The following MAMDC2 variants were observed in gnomAD, a reference collection of about 807,000 sequenced individuals.
The protein encoded by MAMDC2 is MAM domain-containing protein 2.
Under a neutral mutation model 89.8 loss-of-function variants are expected in MAMDC2, and 57 were observed. The observed-to-expected ratio is 0.63, with a 90% CI of 0.51 to 0.79. The LOEUF (loss-of-function observed/expected upper bound fraction) is 0.79, where lower values mean the gene tolerates loss of function less well. MAMDC2 is among the 30% of genes least tolerant of loss of function. MAMDC2 has a pLI of 0.00. For missense variants in MAMDC2, 800 were observed against 820.6 expected, an observed-to-expected ratio of 0.97 and a Z score of 0.31; for synonymous variants, 313 against 293.4, an observed-to-expected ratio of 1.07 and a Z score of -0.68.
At chr9:70,225,858 A>C (rs1290707460) in intron 13 of MAMDC2, 24 bp downstream of exon 13, 1 of 1,559,796 alleles carries the variant, frequency 6.4e-7, no homozygotes, top group South Asian at 1.1e-5. Context: ...CCAATCATAT[A>C]AGCTTGACTG....
At chr9:70,067,955 T>A (rs1341862211) in intron 2 of MAMDC2, among the ~76,000 whole-genome samples, 1 of 152,194 alleles carries the variant, frequency 6.6e-6, no homozygotes, top group African/African-American at 2.4e-5. Context: ...CAAGGACTTG[T>A]CTACATTTTA....
chr9:70,137,211 T>C (rs1388555832), intron 7 of MAMDC2, among the ~76,000 whole-genome samples: 8 of 152,182 alleles, frequency 5.3e-5, no homozygotes, highest in Admixed American at 5.2e-4. Flanking sequence ...TCAGACAAAA[T>C]CTGCAGGAAA....
chr9:70,081,295 G>T (rs1030775423), intron 2 of MAMDC2, among the ~76,000 whole-genome samples: 2 of 152,116 alleles, frequency 1.3e-5, no homozygotes, highest in African/African-American at 4.8e-5. Flanking sequence ...GGGCTCAAGA[G>T]CAATGGAAAG....
At chr9:70,107,192 G>T (rs1380033127) in intron 2 of MAMDC2, among the ~76,000 whole-genome samples, 1 of 152,102 alleles carries the variant, frequency 6.6e-6, no homozygotes, top group Non-Finnish European at 1.5e-5. Context: ...CATTGACATA[G>T]GAAACCAGAT....
At chr9:70,218,624 A>G in intron 12 of MAMDC2, 28 bp downstream of exon 12, 1 of 1,554,408 alleles carries the variant, frequency 6.4e-7, no homozygotes, top group Non-Finnish European at 8.7e-7. Context: ...AGAACTAAGC[A>G]ATGGAAAACG....
chr9:70,218,857 C>T (rs1000601472), intron 12 of MAMDC2, among the ~76,000 whole-genome samples: 3 of 152,150 alleles, frequency 2.0e-5, no homozygotes, highest in East Asian at 1.9e-4. Flanking sequence ...TGTCTTGATA[C>T]ATTATGGGTG....
intron 11 of MAMDC2, among the ~76,000 whole-genome samples, chr9:70,214,470 G>A (rs542770644): frequency 6.6e-6 from 1 of 152,230 alleles, no homozygotes; most frequent in Non-Finnish European, 1.5e-5. Context: ...AGACAGGTAA[G>A]AGAATAGGTG....
At chr9:70,072,593 G>A (rs560746437) in intron 2 of MAMDC2, among the ~76,000 whole-genome samples, 42 of 152,116 alleles carry the variant, frequency 2.8e-4, no homozygotes, top group African/African-American at 1.0e-3. Flanking sequence ...TATCCCCACC[G>A]ATAGATGAGG....
At chr9:70,059,070 G>A (rs1223934138) in intron 2 of MAMDC2, among the ~76,000 whole-genome samples, 2 of 152,146 alleles carry the variant, frequency 1.3e-5, no homozygotes, top group East Asian at 1.9e-4. Context: ...AATGAGTGAA[G>A]TATCCTTATA....
chr9:70,047,331 G>T (rs779174364), intron 2 of MAMDC2, among the ~76,000 whole-genome samples: 3 of 151,790 alleles, frequency 2.0e-5, no homozygotes, highest in Non-Finnish European at 4.4e-5. Flanking sequence ...TTAGGTATTT[G>T]TCCTAATACT....
intron 2 of MAMDC2, among the ~76,000 whole-genome samples, chr9:70,066,275 T>C (rs1422510506): frequency 1.3e-5 from 2 of 151,170 alleles, no homozygotes; most frequent in Non-Finnish European, 2.9e-5. Context: ...GGAAAGGGGG[T>C]GCTTGGTGAA....
Position 70,188,793 on chromosome 9 carries a change from G to C in MAMDC2, c.1651+18162G>C, listed in dbSNP as rs1248387087. ...TTTTTTTTTTTTTTTTTAGAAAGAAGTGGGGTCTCACATGCTGTCCAGGCT... is the reference window on the plus strand; with the variant it reads ...TTTTTTTTTTTTTTTTTAGAAAGAACTGGGGTCTCACATGCTGTCCAGGCT... On this transcript the variant is annotated intron_variant, in intron 11 of 13. Transcript: ENST00000377182. The C allele has an allele frequency of 8.7e-5, 4 of 45,896 alleles. No individual in the cohort carries two copies. In the East Asian group the frequency reaches 2.7e-3, roughly 31 times the overall value. The allele number at this position is 45,896 out of a possible 1,614,324, so 2.8% of individuals were successfully genotyped here. A position where few individuals can be genotyped will look rare whatever the true frequency, so the allele number is the denominator to read the frequency against.
chr9:70,139,707 C>G (rs1309239944), intron 7 of MAMDC2, among the ~76,000 whole-genome samples: 1 of 152,190 alleles, frequency 6.6e-6, no homozygotes, highest in Admixed American at 6.5e-5. Flanking sequence ...CTGACTTCCA[C>G]AATGGTTGAA....
intron 2 of MAMDC2, among the ~76,000 whole-genome samples, chr9:70,070,747 T>C (rs1179011764): frequency 6.6e-6 from 1 of 152,182 alleles, no homozygotes; most frequent in East Asian, 1.9e-4. Context: ...TTGTCATAGA[T>C]CCTTGCCTAC....
intron 11 of MAMDC2, among the ~76,000 whole-genome samples, chr9:70,204,897 C>T (rs573893964): frequency 6.6e-6 from 1 of 152,328 alleles, no homozygotes; most frequent in Non-Finnish European, 1.5e-5. Flanking sequence ...TGAGGCAATG[C>T]CCCGCCCTGC....
intron 5 of MAMDC2, among the ~76,000 whole-genome samples, chr9:70,113,449 T>C (rs1278738050): frequency 6.6e-6 from 1 of 152,212 alleles, no homozygotes; most frequent in Non-Finnish European, 1.5e-5. Context: ...ATTTGTTGTT[T>C]AATATTTCTC....
At chr9:70,210,913 T>C (rs1171190879) in intron 11 of MAMDC2, among the ~76,000 whole-genome samples, 1 of 152,230 alleles carries the variant, frequency 6.6e-6, no homozygotes, top group Non-Finnish European at 1.5e-5. Context: ...GGATATGAAA[T>C]TCTGGGTTGA....
intron 7 of MAMDC2, among the ~76,000 whole-genome samples, chr9:70,136,722 C>T (rs1488106899): frequency 6.6e-6 from 1 of 152,196 alleles, no homozygotes; most frequent in East Asian, 1.9e-4. Context: ...GGCAGTGCCA[C>T]CCCATTTCCT....
intron 1 of MAMDC2, 134 bp downstream of exon 1, chr9:70,044,365 A>C: frequency 9.4e-7 from 1 of 1,060,326 alleles, no homozygotes; most frequent in Non-Finnish European, 1.3e-6. Context: ...GCAGCCGCTA[A>C]CTCCCTCCCC....
Sources: gnomAD v4.1 joint callset for allele counts (sites outside exome capture counted in the v4.1 genomes callset) on GRCh38, gnomAD v4.1.1 for gene constraint, MANE v1.5 for transcripts, NCBI Gene and HGNC (gene_info 2026-07-23, HGNC 2026-07-21) for gene names.